MYLK: variants seen among roughly 807,000 people sequenced by gnomAD.
MYLK encodes myosin light chain kinase, also known as myosin light chain kinase, smooth muscle.
MYLK carries 106 observed loss-of-function variants against 203.4 expected under a neutral mutation model. The ratio of observed to expected loss-of-function variants is 0.52; its 90% CI spans 0.45 to 0.61. The LOEUF is 0.61. MYLK is among the 20% of genes least tolerant of loss of function. The probability of loss-of-function intolerance (pLI) is 0.00; values close to 1 mark genes in which losing one functional copy is unlikely to be tolerated. For missense variants in MYLK, 2,072 were observed against 2,442.3 expected (o/e 0.85, Z 3.20); for synonymous variants, 867 against 959.5 (o/e 0.90, Z 1.78).
At chr3:123,867,075 A>G (rs2032379762) in intron 2 of MYLK, among the ~76,000 whole-genome samples, 1 of 152,114 alleles carries the variant, frequency 6.6e-6, no homozygotes, top group Non-Finnish European at 1.5e-5. Flanking sequence ...GTTTTGTGAC[A>G]AATCCTTAGG....
At chr3:123,880,302 A>G (rs1332879095) in intron 1 of MYLK, among the ~76,000 whole-genome samples, 3 of 152,124 alleles carry the variant, frequency 2.0e-5, no homozygotes, top group African/African-American at 7.2e-5. Flanking sequence ...AATGAGACCT[A>G]CTATACATCA....
intron 31 of MYLK, chr3:123,622,522 G>A (rs1028674780): frequency 3.3e-5 from 5 of 152,228 alleles, no homozygotes; most frequent in East Asian, 1.9e-4. Flanking sequence ...GTGGCGAGAC[G>A]ATGTCTTTTT....
intron 1 of MYLK, among the ~76,000 whole-genome samples, chr3:123,881,969 G>C (rs1219898245): frequency 6.6e-6 from 1 of 152,178 alleles, no homozygotes; most frequent in Non-Finnish European, 1.5e-5. Flanking sequence ...AGTGACTGTA[G>C]CTGTCTGTCT....
chr3:123,872,068 G>C (rs2032826633), intron 2 of MYLK, among the ~76,000 whole-genome samples: 1 of 151,954 alleles, frequency 6.6e-6, no homozygotes, highest in Non-Finnish European at 1.5e-5. Flanking sequence ...ATGACCAGCA[G>C]GCCAAATCCA....
rs79261240 is a variant in MYLK at position 123,878,444 on chromosome 3, C to T, written c.-185-1827G>A. ...GGAACAGCACTCGGTATCCAGGGGC[C>T]CTGAAGCAGACAGATGGCAGTGATC... is the stretch of plus-strand genomic sequence containing the variant. On this transcript the variant is annotated intron_variant, in intron 1 of 33. Coordinates refer to ENST00000360304, the MANE Select transcript of MYLK (RefSeq NM_053025.4). Among the ~76,000 whole-genome samples the T allele has an allele frequency of 3.4e-3, 524 of 152,236 alleles. 1 individual carries two copies. Among genetic ancestry groups the T allele is most frequent in the African/African-American group, 0.012 (503 of 41,536 alleles).
intron 3 of MYLK, among the ~76,000 whole-genome samples, chr3:123,818,088 C>G (rs2065806783): frequency 6.6e-6 from 1 of 152,170 alleles, no homozygotes; most frequent in African/African-American, 2.4e-5. Context: ...AGTTACCACT[C>G]TCACAGGTAG....
intron 30 of MYLK, among the ~76,000 whole-genome samples, chr3:123,627,324 C>T (rs988052184): frequency 6.6e-6 from 1 of 152,208 alleles, no homozygotes; most frequent in Non-Finnish European, 1.5e-5. Context: ...AAAGCCTAAT[C>T]CTCCTGCCAC....
At chr3:123,837,493 TATTA>T (rs893751703) in intron 2 of MYLK, among the ~76,000 whole-genome samples, 1 of 147,796 alleles carries the variant, frequency 6.8e-6, no homozygotes, top group Non-Finnish European at 1.5e-5. Flanking sequence ...TATAATTATA[TATTA>T]TATATATTAC....
At chr3:123,845,404 T>C (rs1239143196) in intron 2 of MYLK, among the ~76,000 whole-genome samples, 1 of 152,210 alleles carries the variant, frequency 6.6e-6, no homozygotes, top group Non-Finnish European at 1.5e-5. Context: ...CGCAAGGACA[T>C]GTCAGGAGTC....
Position 123,648,770 on chromosome 3 carries a change from G to A in MYLK, c.4415+201C>T, listed in dbSNP as rs1197745407. Among the ~76,000 whole-genome samples the A allele has an allele frequency of 2.0e-5, 3 of 151,934 alleles. No individual in the cohort carries two copies. Among genetic ancestry groups the A allele is most frequent in the Non-Finnish European group, 2.9e-5 (2 of 67,976 alleles). On this transcript the variant is annotated intron_variant, in intron 26 of 33. Coordinates refer to ENST00000360304, the MANE Select transcript of MYLK (RefSeq NM_053025.4). The surrounding 1 kb of genome is among the most constrained non-coding windows in gnomAD (Gnocchi z 4.5). ...CCTTTGCAGAGTTGGGGCAGTGTAG[G>A]ACCGCATGGGCAACTCTGCAGAGAG...
At chr3:123,639,387 G>A (rs1477720629) in intron 28 of MYLK, among the ~76,000 whole-genome samples, 1 of 152,200 alleles carries the variant, frequency 6.6e-6, no homozygotes, top group Non-Finnish European at 1.5e-5. Flanking sequence ...AACATCGTGG[G>A]AGACATTTAT....
intron 33 of MYLK, chr3:123,617,597 A>G (rs1041320644): frequency 1.3e-5 from 2 of 152,240 alleles, no homozygotes; most frequent in Non-Finnish European, 2.9e-5. Flanking sequence ...GGAGAATCAA[A>G]GAAAGTGGGA....
intron 5 of MYLK, among the ~76,000 whole-genome samples, chr3:123,747,177 C>G (rs535812618): frequency 6.6e-6 from 1 of 152,126 alleles, no homozygotes; most frequent in South Asian, 2.1e-4. Context: ...CAAGGTGGCC[C>G]GAGAATCCTG....
rs1318226637 is a variant in MYLK at position 123,648,073 on chromosome 3, G to T, written c.4416-646C>A. 6.6e-6 allele frequency among the ~76,000 whole-genome samples: 1 copy of T among 152,212 alleles called. No homozygotes were observed. Among genetic ancestry groups the T allele is most frequent in the African/African-American group, 2.4e-5 (1 of 41,450 alleles). ...TCCTACTGCTGAGAGAGGGGAGAGT[G>T]GGGCTCCTCTGTGATGGCACTGACT... On this transcript the variant is annotated intron_variant, in intron 26 of 33. Transcript: ENST00000360304. This position sits in a 1 kb window ranked among gnomAD's most constrained non-coding sequence, Gnocchi z 4.5.
chr3:123,843,461 C>T (rs756253460), intron 2 of MYLK, among the ~76,000 whole-genome samples: 6 of 152,076 alleles, frequency 3.9e-5, no homozygotes, highest in African/African-American at 1.4e-4. Context: ...ATATATGTAG[C>T]TTGCTTCAAA....
intron 31 of MYLK, 27 bp downstream of exon 31, chr3:123,626,791 C>G: frequency 6.2e-7 from 1 of 1,614,096 alleles, no homozygotes; most frequent in Non-Finnish European, 8.5e-7. Flanking sequence ...GGGGCAACAT[C>G]CCAGTCCAAA....
At chr3:123,752,053 G>A (rs1325625332) in intron 5 of MYLK, among the ~76,000 whole-genome samples, 2 of 151,990 alleles carry the variant, frequency 1.3e-5, no homozygotes, top group Non-Finnish European at 2.9e-5. Flanking sequence ...ACCATCCTAA[G>A]GAGTCTGATT....
In MYLK at chr3:123,612,998, A is replaced by C. The variant is rs2057288050; in HGVS notation, c.*1107T>G. On this transcript the variant is annotated 3_prime_UTR_variant, in exon 34 of 34. Coordinates refer to ENST00000360304, the MANE Select transcript of MYLK (RefSeq NM_053025.4). ...AAGTCTGAGTGCATTTACCAGGTCTAAGAATATATTTAAAGGTTGGGGGCA... is the reference window on the plus strand; with the variant it reads ...AAGTCTGAGTGCATTTACCAGGTCTCAGAATATATTTAAAGGTTGGGGGCA... The C allele has an allele frequency of 6.6e-6, 1 of 152,644 alleles. No homozygotes were observed. Among genetic ancestry groups the C allele is most frequent in the Non-Finnish European group, 1.5e-5 (1 of 68,038 alleles). The allele number at this position is 152,644 out of a possible 1,614,324, so 9.5% of individuals were successfully genotyped here.
At chr3:123,862,639 C>A (rs1350841403) in intron 2 of MYLK, among the ~76,000 whole-genome samples, 1 of 152,172 alleles carries the variant, frequency 6.6e-6, no homozygotes, top group African/African-American at 2.4e-5. Flanking sequence ...ACCCTTACTA[C>A]CTAAATTCAA....
Sources: allele counts gnomAD v4.1 joint callset (sites outside exome capture counted in the v4.1 genomes callset), GRCh38; gene constraint gnomAD v4.1.1; non-coding constraint Gnocchi (gnomAD v3.1); transcripts MANE v1.5; gene names NCBI Gene and HGNC (gene_info 2026-07-23, HGNC 2026-07-21).